Variants in CEP63 observed in about 807,000 individuals in gnomAD.
CEP63 encodes centrosomal protein 63, also known as centrosomal protein of 63 kDa.
CEP63 carries 84 observed loss-of-function variants against 89.1 expected under a neutral mutation model. That is an observed-to-expected ratio of 0.94 (90% confidence interval 0.79 to 1.13). CEP63 has a LOEUF of 1.13. CEP63 is among the 50% of genes most tolerant of loss of function. CEP63 has a pLI of 0.00. For synonymous variants in CEP63, 267 were observed against 272.5 expected (o/e 0.98, Z 0.20); for missense variants, 838 against 813.3 (o/e 1.03, Z -0.37).
chr3:134,639,070 G>GT, the CEP63 span, among the ~76,000 whole-genome samples: 4,858 of 128,454 alleles, frequency 0.038, 138 homozygotes, highest in South Asian at 0.06. Context: ...CTACTTTGGA[G>GT]TTTTTTTTTT....
At chr3:134,721,444 C>T in the CEP63 span, among the ~76,000 whole-genome samples, 10 of 152,006 alleles carry the variant, frequency 6.6e-5, no homozygotes, top group African/African-American at 2.4e-4. Flanking sequence ...CCTTTCTAAT[C>T]TTGATGCCTT....
At chr3:134,751,312 T>C in the CEP63 span, among the ~76,000 whole-genome samples, 1 of 152,266 alleles carries the variant, frequency 6.6e-6, no homozygotes, top group African/African-American at 2.4e-5. Flanking sequence ...TTGGTTATCG[T>C]GAATAGTGCT....
At chr3:134,494,844 T>C (rs1423891535) in intron 1 of CEP63, among the ~76,000 whole-genome samples, 1 of 152,188 alleles carries the variant, frequency 6.6e-6, no homozygotes, top group Non-Finnish European at 1.5e-5. Context: ...TTTCCCATGA[T>C]AGACCAAAGA....
At chr3:134,559,531 C>A (rs1455734706) in intron 14 of CEP63, 102 bp downstream of exon 14, 3 of 972,240 alleles carry the variant, frequency 3.1e-6, no homozygotes, top group Admixed American at 2.4e-5. Context: ...CTTACTGATT[C>A]TTTTATCATA....
chr3:134,641,787 C>T, the CEP63 span, among the ~76,000 whole-genome samples: 1 of 152,188 alleles, frequency 6.6e-6, no homozygotes, highest in African/African-American at 2.4e-5. Context: ...TATACCTTAT[C>T]TGGCTCAGGG....
chr3:134,579,638 T>C (rs189096849), downstream of CEP63, among the ~76,000 whole-genome samples: 2 of 152,360 alleles, frequency 1.3e-5, no homozygotes, highest in Admixed American at 6.5e-5. Context: ...TTGTTTATTT[T>C]CATATTATGA....
At chr3:134,526,971 A>C (rs1265827100) in intron 3 of CEP63, among the ~76,000 whole-genome samples, 1 of 152,116 alleles carries the variant, frequency 6.6e-6, no homozygotes, top group Non-Finnish European at 1.5e-5. Flanking sequence ...GAAGTTAGGA[A>C]TCCACTGCAT....
chr3:134,768,171 G>T, the CEP63 span, among the ~76,000 whole-genome samples: 3 of 152,142 alleles, frequency 2.0e-5, no homozygotes, highest in African/African-American at 7.2e-5. Context: ...CAAATGGGGA[G>T]CCACAAAAGG....
chr3:134,553,451 A>G (rs1450125797), intron 12 of CEP63: 1 of 152,156 alleles, frequency 6.6e-6, no homozygotes, highest in Non-Finnish European at 1.5e-5. Flanking sequence ...ATTAATATAT[A>G]AAAATTCCCT....
the CEP63 span, among the ~76,000 whole-genome samples, chr3:134,776,676 T>C: frequency 1.3e-5 from 2 of 152,144 alleles, no homozygotes; most frequent in Non-Finnish European, 2.9e-5. Flanking sequence ...CCTGAAGTCA[T>C]GATGAGGCTG....
chr3:134,696,789 GT>G, the CEP63 span, among the ~76,000 whole-genome samples: 1 of 152,250 alleles, frequency 6.6e-6, no homozygotes, highest in East Asian at 1.9e-4. Flanking sequence ...AAAAGATAGT[GT>G]TTTATGATTA....
chr3:134,588,176 T>C (rs9856870), downstream of CEP63, among the ~76,000 whole-genome samples: 151,689 of 152,262 alleles, frequency 1, 75,563 homozygotes, highest in Middle Eastern at 1. Context: ...ACCTGTAATC[T>C]CAGCTACTCA....
the CEP63 span, chr3:134,604,240 A>T: frequency 6.2e-7 from 1 of 1,613,748 alleles, no homozygotes; most frequent in Non-Finnish European, 8.5e-7. Context: ...AGGCAGCTGG[A>T]CACCCATGTC....
chr3:134,597,470 T>C, the CEP63 span, among the ~76,000 whole-genome samples: 3 of 152,144 alleles, frequency 2.0e-5, no homozygotes, highest in Non-Finnish European at 2.9e-5. Flanking sequence ...GCAAGTTAAC[T>C]TGTGTGTGCT....
At chr3:134,700,995 GT>G in the CEP63 span, among the ~76,000 whole-genome samples, 1 of 148,178 alleles carries the variant, frequency 6.7e-6, no homozygotes, top group African/African-American at 2.5e-5. Context: ...TTCCTCCATT[GT>G]TTTTCTCCCT....
the CEP63 span, among the ~76,000 whole-genome samples, chr3:134,765,513 T>C: frequency 1.3e-5 from 2 of 152,218 alleles, no homozygotes; most frequent in African/African-American, 4.8e-5. Context: ...TAGGGTCTCC[T>C]GGAGGAAGTG....
At chr3:134,589,488 G>A (rs1958555874), downstream of CEP63, among the ~76,000 whole-genome samples, 1 of 151,348 alleles carries the variant, frequency 6.6e-6, no homozygotes, top group South Asian at 2.1e-4. Flanking sequence ...CTTCTACCCA[G>A]CACAATCAGA....
chr3:134,490,985 A>G (rs2107889875), intron 1 of CEP63, among the ~76,000 whole-genome samples: 1 of 152,264 alleles, frequency 6.6e-6, no homozygotes, highest in Non-Finnish European at 1.5e-5. Flanking sequence ...CTCTTGATAG[A>G]CACTTGTGTT....
At chr3:134,506,315 G>T (rs190825806) in intron 2 of CEP63, among the ~76,000 whole-genome samples, 1 of 152,278 alleles carries the variant, frequency 6.6e-6, no homozygotes, top group Non-Finnish European at 1.5e-5. Flanking sequence ...AAATAAATCT[G>T]GCTGAAGGAT....
Sources: allele counts gnomAD v4.1 joint callset (sites outside exome capture counted in the v4.1 genomes callset), GRCh38; gene constraint gnomAD v4.1.1; transcripts MANE v1.5; gene names NCBI Gene and HGNC (gene_info 2026-07-23, HGNC 2026-07-21).